LAMB4: variants seen among roughly 807,000 people sequenced by gnomAD.
LAMB4 encodes the protein laminin subunit beta 4.
A neutral mutation model predicts 199.2 loss-of-function variants in LAMB4; 196 were observed. The observed-to-expected ratio is 0.98, with a 90% CI of 0.88 to 1.11. LAMB4 has a LOEUF of 1.11. Ranked by LOEUF, LAMB4 falls within the 50% of genes least tolerant of loss-of-function variation. LAMB4 has a pLI of 0.00. For missense variants in LAMB4, 2,080 were observed against 2,171.2 expected (o/e 0.96, Z 0.83); for synonymous variants, 744 against 770.6 (o/e 0.97, Z 0.57).
rs550282915 is a variant in LAMB4 at position 108,085,656 on chromosome 7, C to T, written c.1702-5870G>A. ...TGAGATGGAGTCTCGCTCTGTCACC[C>T]AGGCTGGAGTGCAGTGGCACAATCT... On this transcript the variant is annotated intron_variant, in intron 14 of 33. Transcript: ENST00000388781. 2.8e-4 allele frequency among the ~76,000 whole-genome samples: 43 copies of T among 152,078 alleles called. No homozygotes were observed. The South Asian group carries it at 7.9e-3, about 28-fold the overall frequency.
At chr7:108,107,536 TTAC>T in intron 6 of LAMB4, 92 bp downstream of exon 6, 1 of 944,866 alleles carries the variant, frequency 1.1e-6, no homozygotes, top group Non-Finnish European at 1.6e-6. Context: ...CCAACTTACA[TTAC>T]AGTAAACACT....
intron 14 of LAMB4, among the ~76,000 whole-genome samples, chr7:108,088,362 CTTGG>C (rs995436235): frequency 8.2e-4 from 125 of 152,288 alleles, no homozygotes; most frequent in African/African-American, 3.0e-3. Context: ...GGGGTTTCGC[CTTGG>C]TTGGCCAGGC....
Position 108,079,611 on chromosome 7 carries a change from T to C in LAMB4, c.1877A>G (p.Tyr626Cys), listed in dbSNP as rs778792961. Residue 626 changes from tyrosine (Y) to cysteine (C), a missense_variant, in exon 15 of 34, where the codon TAT becomes TGT. Tyr to Cys is a radical substitution (Grantham distance 194). Transcript: ENST00000388781. The stretch of plus-strand genomic sequence containing the variant: ...AGAGTTAAAGGATACCTGGGTTTCA[T>C]AGTGAATGGCAATGGTGAAGTCCAC... The part of the protein sequence containing the change: ...FPVDFTIAIH[Y>C]ETQSAADWTV... The C allele has an allele frequency of 8.1e-6, 13 of 1,606,060 alleles. No individual in the cohort carries two copies. The South Asian group carries it at 9.0e-5, about 11-fold the overall frequency.
chr7:108,128,397 A>G (rs568412639), intron 1 of LAMB4, among the ~76,000 whole-genome samples: 47 of 152,232 alleles, frequency 3.1e-4, no homozygotes, highest in African/African-American at 1.1e-3. Flanking sequence ...CTAAGTAAAT[A>G]TTCTACAATA....
At chr7:108,106,625 T>A in intron 6 of LAMB4, 53 bp from the exon 7 acceptor site, 1 of 1,028,372 alleles carries the variant, frequency 9.7e-7, no homozygotes, top group Non-Finnish European at 1.5e-6. Flanking sequence ...AACGTAATTG[T>A]CAAACACACT....
chr7:108,102,266 G>C (rs375391981), intron 10 of LAMB4, among the ~76,000 whole-genome samples: 1 of 152,150 alleles, frequency 6.6e-6, no homozygotes, highest in Non-Finnish European at 1.5e-5. Context: ...ATATAGAAAA[G>C]TCTCAAAAAT....
intron 11 of LAMB4, among the ~76,000 whole-genome samples, chr7:108,096,939 C>CAA (rs746917278): frequency 5.2e-3 from 277 of 52,814 alleles, no homozygotes; most frequent in Non-Finnish European, 6.4e-3. Context: ...CTGTCTCTCT[C>CAA]AAAAAAAAAA....
chr7:108,098,443 G>C lies in LAMB4; in HGVS notation c.1320C>G (p.Asn440Lys). Reference protein sequence around the residue: ...EGAKCDQCKPNHYGLSATDPL... With the variant: ...EGAKCDQCKPKHYGLSATDPL... ...GGTCGGTGGCGCTTAGTCCGTAGTG[G>C]TTGGGTTTGCACTGGTCGCATTTGG... The change falls in exon 11 of 34, where the codon AAC becomes AAG. Residue 440 changes from asparagine to lysine, a missense_variant. Transcript: ENST00000388781. 1.3e-6 allele frequency: 2 copies of C among 1,536,730 alleles called. No individual in the cohort carries two copies. Among genetic ancestry groups the C allele is most frequent in the Non-Finnish European group, 1.8e-6 (2 of 1,141,576 alleles).
chr7:108,072,847 C>T (rs145949393), intron 17 of LAMB4, among the ~76,000 whole-genome samples: 4 of 152,254 alleles, frequency 2.6e-5, no homozygotes, highest in Admixed American at 2.6e-4. Context: ...TCTCCAAACA[C>T]AAACCAAGTG....
At chr7:108,072,442 T>G (rs957032908) in intron 17 of LAMB4, among the ~76,000 whole-genome samples, 7 of 152,244 alleles carry the variant, frequency 4.6e-5, no homozygotes, top group African/African-American at 1.7e-4. Context: ...AAGTCATGTA[T>G]GCAGATAGGC....
chr7:108,063,971 C>A lies in LAMB4; in HGVS notation c.2851G>T (p.Glu951Ter). The A allele has an allele frequency of 1.2e-6, 2 of 1,613,620 alleles. No homozygotes were observed. Among genetic ancestry groups the A allele is most frequent in the Non-Finnish European group, 1.7e-6 (2 of 1,179,578 alleles). ...TTTCCATAGAAACCAGTAGAGCATTCTCCACACTGAGTACCTGAAAGAAAG... is the reference window on the plus strand; with the variant it reads ...TTTCCATAGAAACCAGTAGAGCATTATCCACACTGAGTACCTGAAAGAAAG... ...LQGYTGTQCG[E>*]CSTGFYGNPR... Residue 951 changes from glutamate to a stop codon, truncating the protein, a stop_gained, in exon 22 of 34, where the codon GAA (glutamate) becomes TAA (stop). Transcript: ENST00000388781. LOFTEE classifies it high-confidence loss of function.
intron 14 of LAMB4, among the ~76,000 whole-genome samples, chr7:108,086,313 C>T (rs1332388159): frequency 6.6e-6 from 1 of 152,268 alleles, no homozygotes; most frequent in East Asian, 1.9e-4. Context: ...CATTTCCTAG[C>T]CTACTTCCCT....
At chr7:108,060,807 T>G (rs1033480875) in intron 23 of LAMB4, among the ~76,000 whole-genome samples, 3 of 152,224 alleles carry the variant, frequency 2.0e-5, no homozygotes, top group African/African-American at 7.2e-5. Context: ...AAATCTCCAG[T>G]GCAGAAGAAT....
chr7:108,056,635 G>A (rs1397954448), intron 24 of LAMB4, among the ~76,000 whole-genome samples: 1 of 152,176 alleles, frequency 6.6e-6, no homozygotes, highest in Non-Finnish European at 1.5e-5. Context: ...GGAATCACTA[G>A]CCTATGTTTT....
chr7:108,032,857 G>A (rs983209971), intron 31 of LAMB4, among the ~76,000 whole-genome samples: 9 of 152,236 alleles, frequency 5.9e-5, no homozygotes, highest in Admixed American at 3.9e-4. Context: ...AAAACCCAAA[G>A]CTTGAATGCT....
chr7:108,021,221 G>C (rs1198567606), downstream of LAMB4, among the ~76,000 whole-genome samples: 1 of 152,120 alleles, frequency 6.6e-6, no homozygotes, highest in Non-Finnish European at 1.5e-5. Flanking sequence ...ATTATAAGTT[G>C]CAGTATTTCC....
At position 108,101,791 on chromosome 7, in the gene LAMB4, C is replaced by T. The variant is rs188072201; in HGVS notation, c.1180+1253G>A. The stretch of plus-strand genomic sequence containing the variant: ...CCCTGCACTTCCATCACCCTGATAG[C>T]GAGTTCTTCCTTACATTTTGGAACT... On this transcript the variant is annotated intron_variant, in intron 10 of 33. Transcript: ENST00000388781. 2.6e-4 allele frequency among the ~76,000 whole-genome samples: 39 copies of T among 152,288 alleles called. No individual in the cohort carries two copies. The East Asian group carries it at 5.4e-3, about 21-fold the overall frequency.
chr7:108,105,796 T>C (rs1187362413), intron 8 of LAMB4, 21 bp downstream of exon 8: 17 of 1,607,104 alleles, frequency 1.1e-5, no homozygotes, highest in Non-Finnish European at 1.4e-5. Context: ...AGCCCACTGT[T>C]CTTTTGGATT....
At chr7:108,014,388 A>G in the LAMB4 span, among the ~76,000 whole-genome samples, 108 of 152,336 alleles carry the variant, frequency 7.1e-4, no homozygotes, top group Non-Finnish European at 1.3e-3. Flanking sequence ...AGCCACGATT[A>G]ATTTTTGTTA....
Sources: allele counts gnomAD v4.1 joint callset (sites outside exome capture counted in the v4.1 genomes callset), GRCh38; gene constraint gnomAD v4.1.1; transcripts MANE v1.5; gene names NCBI Gene and HGNC (gene_info 2026-07-23, HGNC 2026-07-21).